Variants in MAP3K2 observed in about 807,000 individuals in gnomAD.
The protein encoded by MAP3K2 is mitogen-activated protein kinase kinase kinase 2.
In MAP3K2, 24 loss-of-function variants were observed where a neutral mutation model predicts 80.3. That is an observed-to-expected ratio of 0.30 (90% CI 0.22 to 0.42). MAP3K2 has a LOEUF of 0.42. Ranked by LOEUF, MAP3K2 falls within the 10% of genes least tolerant of loss-of-function variation. MAP3K2 has a pLI of 1.00. For synonymous variants in MAP3K2, 244 were observed against 253.7 expected (o/e 0.96, Z 0.36); for missense variants, 608 against 750.1 (o/e 0.81, Z 2.21).
rs201597197 is a variant in MAP3K2 at position 127,326,401 on chromosome 2, TA to T, written c.597+285del. Among the ~76,000 whole-genome samples, 79 of 149,984 alleles carry T rather than the reference TA, an allele frequency of 5.3e-4. No individual in the cohort carries two copies. In the East Asian group the frequency reaches 7.4e-3, roughly 14 times the overall value. On this transcript the variant is annotated intron_variant, in intron 8 of 16. Coordinates refer to ENST00000682094, the MANE Select transcript of MAP3K2 (RefSeq NM_001371910.2). ...AGTTTCATTCTATCTTTCAAATGTT[TA>T]AAAAAAAAATCTGGCTGTTAAATTA...
In MAP3K2 at chr2:127,310,771, C is replaced by G. The variant is rs1437046954; in HGVS notation, c.1457-2009G>C. 6.6e-6 allele frequency among the ~76,000 whole-genome samples: 1 copy of G among 152,106 alleles called. No homozygotes were observed. The highest frequency in any genetic ancestry group is 1.5e-5 in the Non-Finnish European group (1 of 68,000). On this transcript the variant is annotated intron_variant, in intron 15 of 16. Coordinates refer to ENST00000682094, the MANE Select transcript of MAP3K2 (RefSeq NM_001371910.2). This position sits in a 1 kb window ranked among gnomAD's most constrained non-coding sequence, Gnocchi z 4.8. Reference sequence around the variant, plus strand: ...CTGGGATTATAAATCTAGTTTCCGTCTTTTATAAATCATTTCTCTTCTCAT... The same window carrying G: ...CTGGGATTATAAATCTAGTTTCCGTGTTTTATAAATCATTTCTCTTCTCAT...
intron 15 of MAP3K2, 122 bp from the exon 16 acceptor site, chr2:127,308,884 T>C (rs974773211): frequency 3.2e-5 from 32 of 1,008,386 alleles, no homozygotes; most frequent in Non-Finnish European, 4.3e-5. Flanking sequence ...TTAGGCTGCT[T>C]TTCATCCTCT....
At chr2:127,344,481 T>A (rs1360554465) in intron 1 of MAP3K2, among the ~76,000 whole-genome samples, 1 of 116,804 alleles carries the variant, frequency 8.6e-6, no homozygotes, top group African/African-American at 3.4e-5. Flanking sequence ...GAGACTCCCA[T>A]TTCCACCAAA....
chr2:127,313,550 G>T (rs943727293), intron 15 of MAP3K2, among the ~76,000 whole-genome samples: 1 of 152,214 alleles, frequency 6.6e-6, no homozygotes, highest in African/African-American at 2.4e-5. Context: ...CAAAGGGGAA[G>T]TGAAAGCCTG....
rs1361990825 is a variant in MAP3K2, at chr2:127,387,805, G to A, written c.-419C>T. 4 of 985,094 alleles carry A rather than the reference G, an allele frequency of 4.1e-6. No homozygotes were observed. Among genetic ancestry groups the A allele is most frequent in the Non-Finnish European group, 4.8e-6 (4 of 829,826 alleles). 61.0% of individuals were successfully genotyped at this position (985,094 alleles called of 1,614,324 possible). A position where few individuals can be genotyped will look rare whatever the true frequency, so the allele number is the denominator to read the frequency against. On this transcript the variant is annotated 5_prime_UTR_variant, in exon 1 of 17. Transcript: ENST00000682094. ...CCGCGTCGCTAGAGACCGGAGAAGA[G>A]GCGGGAGTGGCGACTCTGCGGACAG...
chr2:127,352,161 G>A (rs1686702305), intron 1 of MAP3K2, among the ~76,000 whole-genome samples: 1 of 151,988 alleles, frequency 6.6e-6, no homozygotes, highest in Non-Finnish European at 1.5e-5. Flanking sequence ...ACAGCCGTGA[G>A]CCACCATGCC....
In MAP3K2 at chr2:127,314,787, G is replaced by T; in HGVS notation, c.1423C>A (p.His475Asn). 6.2e-7 allele frequency: 1 copy of T among 1,609,704 alleles called. No homozygotes were observed. Among genetic ancestry groups the T allele is most frequent in the Non-Finnish European group, 8.5e-7 (1 of 1,176,160 alleles). ...RQILEGVHYL[H>N]SNMIVHRDIK... is the part of the protein sequence containing the mutation. The stretch of plus-strand genomic sequence containing the variant: ...TCTCTATGGACAATCATATTACTGT[G>T]CAAATAATGGACACCCTCCAGAATC... The change falls in exon 15 of 17, where the codon CAC (histidine) becomes AAC (asparagine). Residue 475 changes from histidine to asparagine, a missense_variant. This residue lies in a region of MAP3K2 where 88 missense variants were observed against 132.4 expected (regional missense o/e 0.66). Coordinates refer to ENST00000682094, the MANE Select transcript of MAP3K2 (RefSeq NM_001371910.2).
intron 12 of MAP3K2, among the ~76,000 whole-genome samples, chr2:127,319,828 A>G (rs1685982151): frequency 6.6e-6 from 1 of 151,250 alleles, no homozygotes; most frequent in Non-Finnish European, 1.5e-5. Context: ...AACAAGAGTG[A>G]AACTCCATCT....
intron 2 of MAP3K2, among the ~76,000 whole-genome samples, chr2:127,341,530 G>GTTTTTTT (rs1341901292): frequency 1.1e-5 from 1 of 91,160 alleles, no homozygotes; most frequent in Non-Finnish European, 2.0e-5. Flanking sequence ...TTTTTTTGTT[G>GTTTTTTT]TTTTTTTTTT....
Position 127,306,733 on chromosome 2 carries a change from T to C in MAP3K2, c.*846A>G, listed in dbSNP as rs1685707053. ...CTAAACACCTAATTTTTTTTCATTA[T>C]TTCTATTGACTGTAAATGTGGTCTC... is the stretch of plus-strand genomic sequence containing the variant. On this transcript the variant is annotated 3_prime_UTR_variant, in exon 17 of 17. Transcript: ENST00000682094. The surrounding 1 kb of genome is among the most constrained non-coding windows in gnomAD (Gnocchi z 4.7). 6.6e-6 allele frequency: 1 copy of C among 152,224 alleles called. No homozygotes were observed. The highest frequency in any genetic ancestry group is 2.1e-4 in the South Asian group (1 of 4,826). The allele number at this position is 152,224 out of a possible 1,614,324, so 9.4% of individuals were successfully genotyped here.
At chr2:127,370,640 T>C (rs1377165212) in intron 1 of MAP3K2, among the ~76,000 whole-genome samples, 1 of 152,222 alleles carries the variant, frequency 6.6e-6, no homozygotes, top group Non-Finnish European at 1.5e-5. Flanking sequence ...TTGTATCCCA[T>C]AACCCATGGT....
intron 3 of MAP3K2, 52 bp downstream of exon 3, chr2:127,338,880 T>G: frequency 8.4e-7 from 1 of 1,194,820 alleles, no homozygotes; most frequent in South Asian, 1.4e-5. Flanking sequence ...TCCATAAGAT[T>G]AGGATATTAA....
At chr2:127,316,419 G>A (rs1000521958) in intron 14 of MAP3K2, among the ~76,000 whole-genome samples, 2 of 152,098 alleles carry the variant, frequency 1.3e-5, no homozygotes, top group Admixed American at 6.5e-5. Context: ...TTTTAAATAA[G>A]TAAACATATT....
At chr2:127,316,394 T>G (rs1685905624) in intron 14 of MAP3K2, among the ~76,000 whole-genome samples, 1 of 152,150 alleles carries the variant, frequency 6.6e-6, no homozygotes, top group South Asian at 2.1e-4. Flanking sequence ...ATAAAAATTA[T>G]GGAAATGCAT....
At chr2:127,313,544 G>C (rs1268936139) in intron 15 of MAP3K2, among the ~76,000 whole-genome samples, 2 of 152,158 alleles carry the variant, frequency 1.3e-5, no homozygotes, top group Non-Finnish European at 2.9e-5. Context: ...ACACCTCAAA[G>C]GGGAAGTGAA....
intron 12 of MAP3K2, among the ~76,000 whole-genome samples, chr2:127,318,541 T>C (rs1685953062): frequency 6.6e-6 from 1 of 152,176 alleles, no homozygotes; most frequent in Non-Finnish European, 1.5e-5. Context: ...CCAAGACTCA[T>C]TTTTTTCTGA....
chr2:127,324,310 C>T (rs974543265), intron 9 of MAP3K2, 69 bp from the exon 10 acceptor site: 4 of 905,330 alleles, frequency 4.4e-6, no homozygotes, highest in Non-Finnish European at 6.8e-6. Flanking sequence ...AATCTTTGAG[C>T]AATATCTATA....
intron 1 of MAP3K2, among the ~76,000 whole-genome samples, chr2:127,373,052 G>T (rs1450279161): frequency 6.6e-6 from 1 of 152,192 alleles, no homozygotes. Context: ...GGACAGAGAA[G>T]AATTTGCATT....
rs1034056018 is a variant in MAP3K2 at position 127,353,764 on chromosome 2, G to A, written c.-65-10570C>T. 6.6e-5 allele frequency among the ~76,000 whole-genome samples: 10 copies of A among 152,120 alleles called. 1 individual carries two copies. Among genetic ancestry groups the A allele is most frequent in the African/African-American group, 1.2e-4 (5 of 41,368 alleles). On this transcript the variant is annotated intron_variant, in intron 1 of 16. Coordinates refer to ENST00000682094, the MANE Select transcript of MAP3K2 (RefSeq NM_001371910.2). The stretch of plus-strand genomic sequence containing the variant: ...GTGTACCCAACAGCTCATTGAGAAC[G>A]GGCCATGATGACAATGGCAGTTTTG...
Sources: gnomAD v4.1 joint callset for allele counts (sites outside exome capture counted in the v4.1 genomes callset) on GRCh38, gnomAD v4.1.1 for gene constraint, gnomAD v4.1.1 regional missense constraint, Gnocchi (gnomAD v3.1) non-coding constraint, MANE v1.5 for transcripts, NCBI Gene and HGNC (gene_info 2026-07-23, HGNC 2026-07-21) for gene names.